The following NAALADL2 variants were observed in gnomAD, a reference collection of about 807,000 sequenced individuals.
NAALADL2 encodes the protein N-acetylated alpha-linked acidic dipeptidase like 2, also known as inactive N-acetylated-alpha-linked acidic dipeptidase-like protein 2.
NAALADL2 carries 76 observed loss-of-function variants against 87.2 expected under a neutral mutation model. That is an observed-to-expected ratio of 0.87 (90% CI 0.72 to 1.05). The LOEUF (loss-of-function observed/expected upper bound fraction) is 1.05, where lower values mean the gene tolerates loss of function less well. Among genes scored for constraint, NAALADL2 ranks in the 50% least tolerant of loss-of-function variants. NAALADL2 has a pLI of 0.00. For synonymous variants in NAALADL2, 354 were observed against 331.0 expected (o/e 1.07, Z -0.75); for missense variants, 1,089 against 945.8 (o/e 1.15, Z -1.99).
chr3:175,663,683 G>T (rs958126158), intron 11 of NAALADL2, among the ~76,000 whole-genome samples: 3 of 151,740 alleles, frequency 2.0e-5, no homozygotes, highest in Admixed American at 6.6e-5. Context: ...GTTTTATGAA[G>T]AATCTAATGC....
intron 2 of NAALADL2, among the ~76,000 whole-genome samples, chr3:175,143,734 G>A (rs548189740): frequency 2.6e-5 from 4 of 151,954 alleles, no homozygotes; most frequent in Non-Finnish European, 4.4e-5. Flanking sequence ...AAGGCACTCC[G>A]CAAAGATTTG....
At chr3:174,819,924 G>T (rs1174086276) in intron 3 of NAALADL2, among the ~76,000 whole-genome samples, 1 of 152,084 alleles carries the variant, frequency 6.6e-6, no homozygotes, top group Admixed American at 6.6e-5. Flanking sequence ...GATCAATTAG[G>T]ACAACTCTCC....
At chr3:174,684,495 G>A (rs756332281) in intron 2 of NAALADL2, among the ~76,000 whole-genome samples, 6 of 151,850 alleles carry the variant, frequency 4.0e-5, no homozygotes, top group Non-Finnish European at 8.8e-5. Context: ...GTAATCAGAA[G>A]GAATATAATT....
At chr3:175,538,538 A>G (rs1448778603) in intron 9 of NAALADL2, among the ~76,000 whole-genome samples, 3 of 152,162 alleles carry the variant, frequency 2.0e-5, no homozygotes, top group African/African-American at 2.4e-5. Context: ...TCCCAAACAA[A>G]CATTAGCTGA....
intron 1 of NAALADL2, among the ~76,000 whole-genome samples, chr3:174,882,507 A>ATG (rs1475349681): frequency 2.1e-5 from 3 of 144,948 alleles, no homozygotes; most frequent in African/African-American, 8.4e-5. Context: ...ATATATGTGT[A>ATG]TATACATATG....
chr3:175,265,014 T>C (rs1160998480), intron 4 of NAALADL2, among the ~76,000 whole-genome samples: 1 of 151,642 alleles, frequency 6.6e-6, no homozygotes, highest in African/African-American at 2.4e-5. Flanking sequence ...CTCAACACAA[T>C]GCCTGGCACA....
intron 2 of NAALADL2, among the ~76,000 whole-genome samples, chr3:175,211,034 G>A (rs1419107903): frequency 6.6e-6 from 1 of 151,628 alleles, no homozygotes; most frequent in Admixed American, 6.6e-5. Flanking sequence ...AAACAAAAAG[G>A]CCCATTAGCT....
intron 2 of NAALADL2, among the ~76,000 whole-genome samples, chr3:174,733,732 G>T (rs1361339813): frequency 6.6e-6 from 1 of 152,212 alleles, no homozygotes; most frequent in Non-Finnish European, 1.5e-5. Context: ...CTGCAGCTGA[G>T]GAGATGGGAG....
chr3:175,346,521 C>T (rs1763174693), intron 5 of NAALADL2, among the ~76,000 whole-genome samples: 1 of 152,160 alleles, frequency 6.6e-6, no homozygotes, highest in African/African-American at 2.4e-5. Context: ...ACAAAAGATG[C>T]CCAGTGAAAA....
intron 2 of NAALADL2, among the ~76,000 whole-genome samples, chr3:175,190,423 G>C (rs1737969651): frequency 6.6e-6 from 1 of 151,954 alleles, no homozygotes; most frequent in East Asian, 1.9e-4. Flanking sequence ...ACATAAAATG[G>C]CCATCAGGTA....
At chr3:175,509,920 A>G (rs1730902266) in intron 9 of NAALADL2, among the ~76,000 whole-genome samples, 1 of 152,094 alleles carries the variant, frequency 6.6e-6, no homozygotes, top group African/African-American at 2.4e-5. Context: ...TTACATATGT[A>G]GACATGTGCC....
chr3:174,977,764 C>T (rs1470183055), intron 1 of NAALADL2, among the ~76,000 whole-genome samples: 3 of 152,110 alleles, frequency 2.0e-5, no homozygotes, highest in Non-Finnish European at 2.9e-5. Flanking sequence ...CACCTATAAA[C>T]AGGGATGACA....
At chr3:175,127,646 AT>A (rs1479815678) in intron 2 of NAALADL2, among the ~76,000 whole-genome samples, 5 of 137,310 alleles carry the variant, frequency 3.6e-5, no homozygotes, top group African/African-American at 1.4e-4. Flanking sequence ...TACTCTTTAC[AT>A]TATTATATTT....
chr3:175,795,666 T>G, intron 13 of NAALADL2, among the ~76,000 whole-genome samples: 1 of 151,520 alleles, frequency 6.6e-6, no homozygotes, highest in Non-Finnish European at 1.5e-5. Flanking sequence ...CTGGGCAACA[T>G]AGCGAGACTC....
chr3:175,040,290 C>G (rs1302322333), intron 1 of NAALADL2, among the ~76,000 whole-genome samples: 2 of 152,190 alleles, frequency 1.3e-5, no homozygotes, highest in African/African-American at 2.4e-5. Context: ...TACTGTTTGT[C>G]TCCTAACTAG....
chr3:174,810,012 A>C (rs1020016102), intron 3 of NAALADL2, among the ~76,000 whole-genome samples: 1 of 152,144 alleles, frequency 6.6e-6, no homozygotes, highest in Admixed American at 6.5e-5. Flanking sequence ...TTTGCCTTCC[A>C]TCATGAGTAA....
At chr3:175,461,634 G>C (rs562505093) in intron 6 of NAALADL2, among the ~76,000 whole-genome samples, 1 of 152,322 alleles carries the variant, frequency 6.6e-6, no homozygotes, top group South Asian at 2.1e-4. Context: ...ATTGTAAGTA[G>C]TACAGTATAC....
At chr3:175,446,966 A>G (rs969317179) in intron 5 of NAALADL2, among the ~76,000 whole-genome samples, 2 of 152,100 alleles carry the variant, frequency 1.3e-5, no homozygotes, top group East Asian at 1.9e-4. Context: ...ATTTTAGTGG[A>G]GTTTTATGGG....
intron 1 of NAALADL2, among the ~76,000 whole-genome samples, chr3:175,031,292 AG>A (rs1752767385): frequency 6.6e-6 from 1 of 151,858 alleles, no homozygotes. Context: ...TCCATACTCT[AG>A]GAGTCCCCAG....
Sources: gnomAD v4.1 joint callset for allele counts (sites outside exome capture counted in the v4.1 genomes callset) on GRCh38, gnomAD v4.1.1 for gene constraint, MANE v1.5 for transcripts, NCBI Gene and HGNC (gene_info 2026-07-23, HGNC 2026-07-21) for gene names.